The following CRACR2A variants were observed in gnomAD, a reference collection of about 807,000 sequenced individuals.
CRACR2A encodes calcium release activated channel regulator 2A, also known as EF-hand calcium-binding domain-containing protein 4B.
A neutral mutation model predicts 90.5 loss-of-function variants in CRACR2A; 79 were observed. That is an observed-to-expected ratio of 0.87 (90% CI 0.73 to 1.05). The LOEUF is 1.05. Among genes scored for constraint, CRACR2A ranks in the 50% least tolerant of loss-of-function variants. The pLI is 0.00. For missense variants in CRACR2A, 823 were observed against 897.2 expected (o/e 0.92, Z 1.06); for synonymous variants, 338 against 356.7 (o/e 0.95, Z 0.59).
intron 17 of CRACR2A, 134 bp from the exon 18 acceptor site, chr12:3,619,506 G>A: frequency 1.5e-6 from 1 of 685,350 alleles, no homozygotes; most frequent in Non-Finnish European, 2.5e-6. Flanking sequence ...GGCCGTAACA[G>A]AGTCATCCTG....
intron 3 of CRACR2A, among the ~76,000 whole-genome samples, chr12:3,707,695 T>G (rs1272081861): frequency 6.6e-6 from 1 of 152,212 alleles, no homozygotes; most frequent in East Asian, 1.9e-4. Context: ...ATGAACAAGC[T>G]TTTTTCAAAG....
chr12:3,725,586 A>G (rs77748506), intron 2 of CRACR2A, among the ~76,000 whole-genome samples: 2,256 of 152,104 alleles, frequency 0.015, 58 homozygotes, highest in African/African-American at 0.051. Context: ...GGTCATATTC[A>G]CCAGTTCTGG....
chr12:3,728,724 C>G (rs1946311936), intron 2 of CRACR2A: 1 of 152,292 alleles, frequency 6.6e-6, no homozygotes, highest in Non-Finnish European at 1.5e-5. Flanking sequence ...AAACAAATGG[C>G]CAGGAATGAG....
At chr12:3,645,425 C>T (rs574679156) in intron 11 of CRACR2A, among the ~76,000 whole-genome samples, 1 of 152,178 alleles carries the variant, frequency 6.6e-6, no homozygotes, top group South Asian at 2.1e-4. Flanking sequence ...GGATGGTGGT[C>T]AGGACCTGTC....
chr12:3,682,448 C>G (rs1301809399), intron 4 of CRACR2A, among the ~76,000 whole-genome samples: 1 of 152,196 alleles, frequency 6.6e-6, no homozygotes, highest in Non-Finnish European at 1.5e-5. Flanking sequence ...GTTGTCTAAT[C>G]CCAGTTCTTG....
chr12:3,672,373 C>A (rs1169688619), intron 7 of CRACR2A, among the ~76,000 whole-genome samples: 1 of 152,214 alleles, frequency 6.6e-6, no homozygotes, highest in Non-Finnish European at 1.5e-5. Context: ...CTGGAAGTAT[C>A]TGAATGGAGG....
At chr12:3,634,444 T>G (rs1944425380) in intron 14 of CRACR2A, among the ~76,000 whole-genome samples, 1 of 152,150 alleles carries the variant, frequency 6.6e-6, no homozygotes, top group Admixed American at 6.5e-5. Context: ...ACTGCTGCCC[T>G]GTCTCTTGGG....
intron 3 of CRACR2A, among the ~76,000 whole-genome samples, chr12:3,707,994 C>T (rs891572560): frequency 6.6e-6 from 1 of 152,202 alleles, no homozygotes; most frequent in Non-Finnish European, 1.5e-5. Flanking sequence ...TGGACAAAGT[C>T]GGGGCTGCAG....
chr12:3,647,836 G>A lies in CRACR2A; in HGVS notation c.1118+706C>T, dbSNP rs1944717130. On this transcript the variant is annotated intron_variant, in intron 11 of 19. Coordinates refer to ENST00000440314, the MANE Select transcript of CRACR2A (RefSeq NM_001144958.2). The stretch of plus-strand genomic sequence containing the variant: ...CTGTTTCCTCACCATTCCCCAAGAG[G>A]TGCTCAGCAGGCAGTGACTTAGAAA... 7 of 984,028 alleles carry A rather than the reference G, an allele frequency of 7.1e-6. 1 individual carries two copies. In the South Asian group the frequency reaches 1.9e-4, roughly 26 times the overall value. The allele number at this position is 984,028 out of a possible 1,614,324, so 61.0% of individuals were successfully genotyped here. A position where few individuals can be genotyped will look rare whatever the true frequency, so the allele number is the denominator to read the frequency against.
At chr12:3,683,299 C>T (rs1250312994) in intron 4 of CRACR2A, among the ~76,000 whole-genome samples, 1 of 152,228 alleles carries the variant, frequency 6.6e-6, no homozygotes, top group East Asian at 1.9e-4. Context: ...TTACCTCCCA[C>T]ACCTACCCAC....
intron 11 of CRACR2A, chr12:3,648,262 C>A: frequency 7.5e-7 from 1 of 1,329,978 alleles, no homozygotes; most frequent in Non-Finnish European, 9.6e-7. Flanking sequence ...CGCATGAGAT[C>A]AAGTACCAAG....
chr12:3,651,046 G>C (rs1944785059), intron 10 of CRACR2A, among the ~76,000 whole-genome samples: 1 of 152,208 alleles, frequency 6.6e-6, no homozygotes, highest in Non-Finnish European at 1.5e-5. Flanking sequence ...GGTTCTAAAA[G>C]TGTATACATG....
intron 1 of CRACR2A, among the ~76,000 whole-genome samples, chr12:3,745,815 TA>T (rs1215428086): frequency 8.5e-4 from 5 of 5,848 alleles, no homozygotes; most frequent in Non-Finnish European, 1.9e-3. Flanking sequence ...TAAAATAAAA[TA>T]AAATAAAATA....
At chr12:3,647,700 T>A (rs1221678229) in intron 11 of CRACR2A, among the ~76,000 whole-genome samples, 1 of 152,174 alleles carries the variant, frequency 6.6e-6, no homozygotes, top group Non-Finnish European at 1.5e-5. Context: ...GCATCATAGA[T>A]GCCAGACACA....
intron 13 of CRACR2A, chr12:3,640,586 A>G (rs1336879796): frequency 1.5e-6 from 2 of 1,290,902 alleles, no homozygotes; most frequent in African/African-American, 3.1e-5. Flanking sequence ...TGGCTCCCAA[A>G]TTGTATCTCA....
At chr12:3,748,352 C>T (rs779974982) in intron 1 of CRACR2A, among the ~76,000 whole-genome samples, 2 of 152,188 alleles carry the variant, frequency 1.3e-5, no homozygotes, top group Admixed American at 6.5e-5. Context: ...TCAGACTCCA[C>T]CCACCATAGA....
intron 4 of CRACR2A, among the ~76,000 whole-genome samples, 162 bp from the exon 5 acceptor site, chr12:3,680,511 C>T (rs1945428363): frequency 6.6e-6 from 1 of 152,228 alleles, no homozygotes; most frequent in African/African-American, 2.4e-5. Context: ...CATCCCTCTC[C>T]TCCTTTGCAT....
intron 4 of CRACR2A, 54 bp downstream of exon 4, chr12:3,696,718 A>G: frequency 6.2e-7 from 1 of 1,610,768 alleles, no homozygotes; most frequent in South Asian, 1.1e-5. Context: ...CTAACCCAAG[A>G]CAGGAAGACA....
rs1035694219 is a variant in CRACR2A at position 3,710,802 on chromosome 12, AAAAG to A, written c.-37+2431_-37+2434del. 2.7e-3 allele frequency among the ~76,000 whole-genome samples: 413 copies of A among 150,392 alleles called. 5 individuals are homozygous for A. The highest frequency in any genetic ancestry group is 0.01 in the Middle Eastern group (3 of 288). On this transcript the variant is annotated intron_variant, in intron 3 of 19. Transcript: ENST00000440314. ...GCGAGGCTCCACCGCAAAAAAAAAA[AAAAG>A]AAAGAAAGAAAGAAAGAAAGATGGG...
Sources: allele counts gnomAD v4.1 joint callset (sites outside exome capture counted in the v4.1 genomes callset), GRCh38; gene constraint gnomAD v4.1.1; transcripts MANE v1.5; gene names NCBI Gene and HGNC (gene_info 2026-07-23, HGNC 2026-07-21).